SH2D6: variants seen among roughly 807,000 people sequenced by gnomAD.
SH2D6 encodes the protein SH2 domain containing 6.
SH2D6 carries 31 observed loss-of-function variants against 30.2 expected under a neutral mutation model. That is an observed-to-expected ratio of 1.03 (90% CI 0.77 to 1.38). The LOEUF (loss-of-function observed/expected upper bound fraction) is 1.38. SH2D6 is among the 40% of genes most tolerant of loss of function. The pLI is 0.00. For missense variants in SH2D6, 240 were observed against 266.8 expected, an observed-to-expected ratio of 0.90 and a Z score of 0.70; for synonymous variants, 93 against 104.6, an observed-to-expected ratio of 0.89 and a Z score of 0.68.
chr2:85,435,440 T>A lies in SH2D6; in HGVS notation c.676T>A (p.Tyr226Asn), dbSNP rs1482565385. 1 of 1,613,808 alleles carries A rather than the reference T, an allele frequency of 6.2e-7. No individual in the cohort carries two copies. Among genetic ancestry groups the A allele is most frequent in the Non-Finnish European group, 8.5e-7 (1 of 1,180,000 alleles). ...CAGTGATCTGCTGACTCAGCCTTGG[T>A]ACTCGGGGAACTGTGACCGCTATGC... ...EDSDLLTQPWYSGNCDRYAVE... is the reference protein window; with the variant it reads ...EDSDLLTQPWNSGNCDRYAVE... Residue 226 changes from tyrosine to asparagine, a missense_variant, in exon 21 of 24, where the codon TAC becomes AAC. Physicochemically the swap from Tyr to Asn is moderately radical, Grantham distance 143. Transcript: ENST00000469800.
At chr2:85,423,906 A>G (rs928837424) in intron 5 of SH2D6, among the ~76,000 whole-genome samples, 4 of 152,226 alleles carry the variant, frequency 2.6e-5, no homozygotes, top group Non-Finnish European at 5.9e-5. Context: ...CGTTGGCTGT[A>G]GGCCCTTCCA....
intron 2 of SH2D6, among the ~76,000 whole-genome samples, chr2:85,420,688 C>CT (rs1687717219): frequency 6.6e-6 from 1 of 152,274 alleles, no homozygotes; most frequent in South Asian, 2.1e-4. Context: ...TTCCCACGTT[C>CT]TTTCGCTCTG....
At chr2:85,435,590 T>A in intron 21 of SH2D6, 76 bp from the exon 22 acceptor site, 1 of 1,581,566 alleles carries the variant, frequency 6.3e-7, no homozygotes, top group Non-Finnish European at 8.6e-7. Flanking sequence ...GCCAGGAGGG[T>A]TCTGGCCCCA....
chr2:85,430,073 T>TC lies in SH2D6; in HGVS notation c.64+64dup. On this transcript the variant is annotated intron_variant, in intron 10 of 23. Transcript: ENST00000469800. The surrounding 1 kb of genome is among the most constrained non-coding windows in gnomAD (Gnocchi z 4.3). Reference sequence around the variant, plus strand: ...AGACTGGGATCCCTTGCAAGTCAGGTCCCCCCTGAGTGACTCTGCACACCT... The same window carrying TC: ...AGACTGGGATCCCTTGCAAGTCAGGTCCCCCCCTGAGTGACTCTGCACACCT... 6.6e-6 allele frequency: 1 copy of TC among 152,370 alleles called. No individual in the cohort carries two copies. 9.4% of individuals were successfully genotyped at this position (152,370 alleles called of 1,614,324 possible). A position where few individuals can be genotyped will look rare whatever the true frequency, so the allele number is the denominator to read the frequency against.
chr2:85,425,256 TC>T (rs1354704006), intron 5 of SH2D6, 51 bp from the exon 6 acceptor site: 2 of 132,252 alleles, frequency 1.5e-5, no homozygotes, highest in African/African-American at 5.9e-5. Context: ...TTTCTTTCTT[TC>T]TTTTTTTTTT....
intron 16 of SH2D6, 35 bp from the exon 17 acceptor site, chr2:85,433,998 C>T: frequency 6.5e-7 from 1 of 1,531,726 alleles, no homozygotes; most frequent in South Asian, 1.2e-5. Flanking sequence ...CTGCCTGGTG[C>T]TCAGCCGAGC....
chr2:85,432,589 A>T (rs1688861891), intron 14 of SH2D6, among the ~76,000 whole-genome samples: 2 of 151,842 alleles, frequency 1.3e-5, no homozygotes, highest in Admixed American at 1.3e-4. Flanking sequence ...TTTAGTAGAG[A>T]CGGGGTTTCA....
chr2:85,432,413 T>TG (rs1337789804), intron 14 of SH2D6, among the ~76,000 whole-genome samples: 17 of 150,998 alleles, frequency 1.1e-4, no homozygotes, highest in Non-Finnish European at 1.0e-4. Flanking sequence ...TGTTTTGTTT[T>TG]TTTTTTGAGA....
chr2:85,427,018 C>T (rs530354889), intron 6 of SH2D6, among the ~76,000 whole-genome samples: 55 of 152,360 alleles, frequency 3.6e-4, no homozygotes, highest in Non-Finnish European at 2.9e-5. Context: ...CACCCCGCCA[C>T]CACGTTTGGT....
Position 85,435,089 on chromosome 2 carries a change from C to T in SH2D6, c.614C>T (p.Ser205Phe). ...GAAGGAAGGAAATCGTCTCTTCCCT[C>T]TGTAGCCCCCACTGGGAGTGCCTCA... ...SKEGRKSSLP[S>F]VAPTGSASAA... Residue 205 changes from serine (S) to phenylalanine (F), a missense_variant, in exon 20 of 24, where the codon TCT (serine) becomes TTT (phenylalanine). Ser to Phe is a radical substitution (Grantham distance 155). Coordinates refer to ENST00000469800, the MANE Select transcript of SH2D6 (RefSeq NM_001394463.1). 2 of 1,562,370 alleles carry T rather than the reference C, an allele frequency of 1.3e-6. No individual in the cohort carries two copies. Among genetic ancestry groups the T allele is most frequent in the Non-Finnish European group, 1.7e-6 (2 of 1,148,272 alleles).
chr2:85,425,257 CTTTTTTTTTTT>C (rs56321596), intron 5 of SH2D6, 40 bp from the exon 6 acceptor site: 1 of 96,160 alleles, frequency 1.0e-5, no homozygotes, highest in Non-Finnish European at 2.0e-5. Flanking sequence ...TTCTTTCTTT[CTTTTTTTTTTT>C]TTTTTTTTTT....
chr2:85,434,650 G>GC, intron 19 of SH2D6, 153 bp downstream of exon 19: 1 of 1,285,640 alleles, frequency 7.8e-7, no homozygotes, highest in Non-Finnish European at 1.0e-6. Context: ...GTGAATGCAG[G>GC]CATCTTCAGC....
rs955383791 is a variant in SH2D6 at position 85,419,173 on chromosome 2, T to A, written c.-648T>A. The A allele has an allele frequency of 3.3e-5, 5 of 152,316 alleles. No homozygotes were observed. Among genetic ancestry groups the A allele is most frequent in the African/African-American group, 1.2e-4 (5 of 41,464 alleles). 9.4% of individuals were successfully genotyped at this position (152,316 alleles called of 1,614,324 possible). A position where few individuals can be genotyped will look rare whatever the true frequency, so the allele number is the denominator to read the frequency against. ...CAGGTCAGGGATGTAGGTCCCAGGG[T>A]GTGCAGGCCGCGGTATCTGACCATC... On this transcript the variant is annotated 5_prime_UTR_variant, in exon 2 of 24. Transcript: ENST00000469800.
intron 6 of SH2D6, among the ~76,000 whole-genome samples, chr2:85,426,225 C>T (rs1056743084): frequency 3.3e-5 from 5 of 152,158 alleles, no homozygotes; most frequent in African/African-American, 1.2e-4. Context: ...ACCACGGGTC[C>T]CGGCTACACT....
intron 19 of SH2D6, 113 bp from the exon 20 acceptor site, chr2:85,434,949 CGGG>C (rs1558765374): frequency 1.3e-6 from 2 of 1,599,610 alleles, no homozygotes; most frequent in Non-Finnish European, 1.7e-6. Context: ...GGTTTGGGCT[CGGG>C]GCCATGTACG....
At chr2:85,419,569 C>A (rs907637813) in intron 2 of SH2D6, among the ~76,000 whole-genome samples, 1 of 151,198 alleles carries the variant, frequency 6.6e-6, no homozygotes, top group African/African-American at 2.5e-5. Context: ...TCAGGTTACA[C>A]CTGTATCGGG....
chr2:85,423,798 A>T (rs531539572), intron 5 of SH2D6, among the ~76,000 whole-genome samples: 1 of 152,328 alleles, frequency 6.6e-6, no homozygotes, highest in South Asian at 2.1e-4. Flanking sequence ...AGCCAGCCCC[A>T]TCATCCATTG....
intron 5 of SH2D6, among the ~76,000 whole-genome samples, chr2:85,423,189 GTTTTTT>G (rs1171994386): frequency 6.9e-5 from 10 of 145,086 alleles, no homozygotes; most frequent in African/African-American, 1.5e-4. Context: ...CACCCGGCCT[GTTTTTT>G]TTTTTGTTGT....
At chr2:85,425,073 A>G (rs1687933240) in intron 5 of SH2D6, among the ~76,000 whole-genome samples, 1 of 151,946 alleles carries the variant, frequency 6.6e-6, no homozygotes, top group African/African-American at 2.4e-5. Flanking sequence ...CTCGAAATAA[A>G]TAAATAAATA....
Sources: allele counts gnomAD v4.1 joint callset (sites outside exome capture counted in the v4.1 genomes callset), GRCh38; gene constraint gnomAD v4.1.1; non-coding constraint Gnocchi (gnomAD v3.1); transcripts MANE v1.5; gene names NCBI Gene and HGNC (gene_info 2026-07-23, HGNC 2026-07-21).